Variants in TMC2 observed in about 807,000 individuals in gnomAD.
The protein encoded by TMC2 is transmembrane channel like 2, also known as transmembrane channel-like protein 2.
Under a neutral mutation model 105.9 loss-of-function variants are expected in TMC2, and 102 were observed. The observed-to-expected ratio is 0.96, with a 90% CI of 0.82 to 1.14. The LOEUF (loss-of-function observed/expected upper bound fraction) is 1.14. Among genes scored for constraint, TMC2 ranks in the 50% most tolerant of loss-of-function variants. The pLI is 0.00. For synonymous variants in TMC2, 402 were observed against 422.8 expected, an observed-to-expected ratio of 0.95 and a Z score of 0.60; for missense variants, 1,093 against 1,134.3, an observed-to-expected ratio of 0.96 and a Z score of 0.52.
chr20:2,570,131 A>G (rs1231557342), intron 4 of TMC2, among the ~76,000 whole-genome samples: 1 of 152,206 alleles, frequency 6.6e-6, no homozygotes, highest in African/African-American at 2.4e-5. Flanking sequence ...AGTCTTAATC[A>G]GAGCAATCAG....
chr20:2,546,458 T>C (rs2085926643), intron 2 of TMC2, among the ~76,000 whole-genome samples: 1 of 90,846 alleles, frequency 1.1e-5, no homozygotes, highest in Admixed American at 1.1e-4. Context: ...AGAAGAATAT[T>C]GATTATAGAG....
At chr20:2,581,094 T>G (rs2086186007) in intron 7 of TMC2, among the ~76,000 whole-genome samples, 1 of 152,242 alleles carries the variant, frequency 6.6e-6, no homozygotes, top group South Asian at 2.1e-4. Flanking sequence ...GATGACTTAC[T>G]GACTCCTATT....
rs552800428 is a variant in TMC2 at position 2,558,864 on chromosome 20, C to T, written c.401+90C>T. On this transcript the variant is annotated intron_variant, in intron 3 of 19. Transcript: ENST00000358864. The surrounding 1 kb of genome is among the most constrained non-coding windows in gnomAD (Gnocchi z 4.6). ...CTTCCCCCGTGAGGGACTGATGCCC[C>T]CCTCCCCGGGGAGAGGCAGCCCGTG... is the stretch of plus-strand genomic sequence containing the variant. 19 of 1,345,646 alleles carry T rather than the reference C, an allele frequency of 1.4e-5. No homozygotes were observed. Among genetic ancestry groups the T allele is most frequent in the Middle Eastern group, 2.2e-4 (1 of 4,624 alleles). The allele number at this position is 1,345,646 out of a possible 1,614,324, so 83.4% of individuals were successfully genotyped here.
At chr20:2,550,637 C>T (rs1386655352) in intron 2 of TMC2, among the ~76,000 whole-genome samples, 2 of 152,112 alleles carry the variant, frequency 1.3e-5, no homozygotes, top group African/African-American at 4.8e-5. Context: ...CCTATTCAAC[C>T]CTCTCTCCCT....
At chr20:2,636,275 T>C (rs1055313474) in intron 18 of TMC2, among the ~76,000 whole-genome samples, 5 of 152,154 alleles carry the variant, frequency 3.3e-5, no homozygotes, top group East Asian at 3.9e-4. Context: ...CCAATGCTCA[T>C]ACAGAAAAAG....
chr20:2,568,642 G>T (rs1244304522), intron 4 of TMC2, among the ~76,000 whole-genome samples: 1 of 152,162 alleles, frequency 6.6e-6, no homozygotes, highest in African/African-American at 2.4e-5. Context: ...TTGAGTATTT[G>T]CCCACTTGTA....
intron 18 of TMC2, 146 bp downstream of exon 18, chr20:2,636,150 C>A: frequency 3.0e-6 from 2 of 658,202 alleles, no homozygotes; most frequent in Non-Finnish European, 5.4e-6. Flanking sequence ...GGGAAGTAGC[C>A]TTGTGAGATT....
At chr20:2,583,040 G>A (rs570902910) in intron 7 of TMC2, among the ~76,000 whole-genome samples, 1 of 152,172 alleles carries the variant, frequency 6.6e-6, no homozygotes, top group African/African-American at 2.4e-5. Context: ...AAATCACCTG[G>A]GGGACTTTAA....
intron 17 of TMC2, among the ~76,000 whole-genome samples, chr20:2,625,998 G>T (rs532048833): frequency 6.6e-6 from 1 of 152,054 alleles, no homozygotes; most frequent in East Asian, 1.9e-4. Flanking sequence ...TTTTCCTCTT[G>T]TTTATCCTCA....
At chr20:2,593,344 C>T (rs569340604) in intron 8 of TMC2, among the ~76,000 whole-genome samples, 12 of 152,232 alleles carry the variant, frequency 7.9e-5, no homozygotes, top group African/African-American at 2.9e-4. Flanking sequence ...GGACACAGAG[C>T]CAAACCATAT....
At chr20:2,607,014 C>T (rs1287935682) in intron 11 of TMC2, among the ~76,000 whole-genome samples, 3 of 149,114 alleles carry the variant, frequency 2.0e-5, no homozygotes, top group Admixed American at 6.8e-5. Flanking sequence ...TTTGAATACT[C>T]ATTATAATTT....
intron 17 of TMC2, among the ~76,000 whole-genome samples, chr20:2,635,488 T>C (rs2223884): frequency 0.76 from 115,206 of 152,082 alleles, 43,770 homozygotes; most frequent in East Asian, 0.87. Flanking sequence ...CCTTTAAACA[T>C]AGAAGTCTAC....
intron 5 of TMC2, among the ~76,000 whole-genome samples, chr20:2,578,747 T>C (rs1234041280): frequency 1.3e-5 from 2 of 151,612 alleles, no homozygotes; most frequent in South Asian, 2.1e-4. Context: ...GACGTGGGTC[T>C]GAGAGTAGCC....
chr20:2,537,753 G>A (rs893879942), intron 2 of TMC2, among the ~76,000 whole-genome samples: 5 of 152,128 alleles, frequency 3.3e-5, no homozygotes, highest in Non-Finnish European at 5.9e-5. Flanking sequence ...CAGCTCTCCC[G>A]TGAGCCGGTG....
Position 2,605,180 on chromosome 20 carries a change from ATTGG to A in TMC2, c.1413+2885_1413+2888del, listed in dbSNP as rs771327460. On this transcript the variant is annotated intron_variant, in intron 11 of 19. Coordinates refer to ENST00000358864, the MANE Select transcript of TMC2 (RefSeq NM_080751.3). The stretch of plus-strand genomic sequence containing the variant: ...TACGCTACGCAGCTGGTATCAGAAA[ATTGG>A]TTGGTATGGGAAAAAATTTGGTGTC... 9.6e-4 allele frequency among the ~76,000 whole-genome samples: 146 copies of A among 152,238 alleles called. 1 individual carries two copies. The highest frequency in any genetic ancestry group is 1.6e-3 in the Admixed American group (25 of 15,280).
At chr20:2,630,297 T>C (rs1411522074) in intron 17 of TMC2, among the ~76,000 whole-genome samples, 1 of 152,238 alleles carries the variant, frequency 6.6e-6, no homozygotes, top group African/African-American at 2.4e-5. Context: ...AGCATTGAAT[T>C]TCCAGCTATT....
At chr20:2,617,388 G>A in intron 16 of TMC2, 77 bp downstream of exon 16, 1 of 1,566,144 alleles carries the variant, frequency 6.4e-7, no homozygotes, top group Non-Finnish European at 8.7e-7. Flanking sequence ...CAGAATTCCA[G>A]TTCTGGTTTC....
At chr20:2,608,437 C>T (rs1302306839) in intron 11 of TMC2, among the ~76,000 whole-genome samples, 1 of 151,848 alleles carries the variant, frequency 6.6e-6, no homozygotes, top group Non-Finnish European at 1.5e-5. Flanking sequence ...AAGTGATTCT[C>T]TTGCCTCAGT....
chr20:2,579,994 T>C lies in TMC2; in HGVS notation c.772T>C (p.Trp258Arg), dbSNP rs747236523. The change falls in exon 7 of 20, where the codon TGG (tryptophan) becomes CGG (arginine). Residue 258 changes from tryptophan (W) to arginine (R), a missense_variant. By Grantham distance (101) the Trp-to-Arg change is moderately radical. Coordinates refer to ENST00000358864, the MANE Select transcript of TMC2 (RefSeq NM_080751.3). The stretch of plus-strand genomic sequence containing the variant: ...GGCATCGTATTTCATCTTTCTCCGA[T>C]GGATGTATGGAGTTAACCTTGTCCT... ...SVASYFIFLRWMYGVNLVLFG... is the reference protein window; with the variant it reads ...SVASYFIFLRRMYGVNLVLFG... 3.1e-6 allele frequency: 5 copies of C among 1,614,042 alleles called. No individual in the cohort carries two copies. The Admixed American group carries it at 5.0e-5, about 16-fold the overall frequency.
Sources: gnomAD v4.1 joint callset for allele counts (sites outside exome capture counted in the v4.1 genomes callset) on GRCh38, gnomAD v4.1.1 for gene constraint, Gnocchi (gnomAD v3.1) non-coding constraint, MANE v1.5 for transcripts, NCBI Gene and HGNC (gene_info 2026-07-23, HGNC 2026-07-21) for gene names.